NPAS3: variants seen among roughly 807,000 people sequenced by gnomAD.
NPAS3 encodes the protein neuronal PAS domain-containing protein 3.
NPAS3 carries 14 observed loss-of-function variants against 73.1 expected under a neutral mutation model. The ratio of observed to expected loss-of-function variants is 0.19; its 90% confidence interval spans 0.13 to 0.30. The LOEUF is 0.30. NPAS3 is among the 10% of genes least tolerant of loss of function. NPAS3 has a pLI of 1.00. For synonymous variants in NPAS3, 620 were observed against 541.5 expected (o/e 1.14, Z -2.01); for missense variants, 1,096 against 1,250.0 (o/e 0.88, Z 1.86).
Position 33,067,801 on chromosome 14 carries a change from A to T in NPAS3, c.140+11807A>T, listed in dbSNP as rs184837705. 5.9e-5 allele frequency among the ~76,000 whole-genome samples: 9 copies of T among 152,306 alleles called. No individual in the cohort carries two copies. In the East Asian group the frequency reaches 1.3e-3, roughly 23 times the overall value. ...CAGTGCCACCATTACTCCAAAATAG[A>T]ACTTGGGGTCTTCCCCAGAAAGATC... On this transcript the variant is annotated intron_variant, in intron 2 of 11. Transcript: ENST00000356141.
chr14:33,523,063 C>T (rs1391876104), intron 4 of NPAS3, among the ~76,000 whole-genome samples: 1 of 152,118 alleles, frequency 6.6e-6, no homozygotes, highest in African/African-American at 2.4e-5. Flanking sequence ...CTTCTCAGCA[C>T]TCTAAGATAG....
intron 2 of NPAS3, among the ~76,000 whole-genome samples, chr14:33,181,436 A>G (rs1005729981): frequency 7.9e-5 from 12 of 152,192 alleles, no homozygotes; most frequent in Non-Finnish European, 1.5e-5. Flanking sequence ...GACTGTCTCA[A>G]TTTTGCATAG....
At chr14:33,640,423 CTT>C (rs1309278937) in intron 5 of NPAS3, among the ~76,000 whole-genome samples, 1 of 152,054 alleles carries the variant, frequency 6.6e-6, no homozygotes, top group Non-Finnish European at 1.5e-5. Context: ...TTCTGAGACT[CTT>C]TTATTCATCT....
At chr14:32,993,677 A>G (rs933938866) in intron 1 of NPAS3, among the ~76,000 whole-genome samples, 1 of 152,230 alleles carries the variant, frequency 6.6e-6, no homozygotes, top group African/African-American at 2.4e-5. Flanking sequence ...GCTGGGCTTT[A>G]CTGACAGATT....
chr14:33,155,240 A>T (rs1290790899), intron 2 of NPAS3, among the ~76,000 whole-genome samples: 1 of 152,182 alleles, frequency 6.6e-6, no homozygotes, highest in Admixed American at 6.5e-5. Context: ...GCTTTGCTCA[A>T]GCTTTTGTGT....
intron 4 of NPAS3, among the ~76,000 whole-genome samples, chr14:33,448,334 G>A (rs1276622876): frequency 6.6e-6 from 1 of 152,258 alleles, no homozygotes; most frequent in South Asian, 2.1e-4. Flanking sequence ...CATAATTTAA[G>A]GGGATAACAG....
chr14:33,367,883 G>A (rs780375502), intron 4 of NPAS3, among the ~76,000 whole-genome samples: 2 of 152,116 alleles, frequency 1.3e-5, no homozygotes, highest in African/African-American at 2.4e-5. Flanking sequence ...TACCTAGCCC[G>A]AGAGAAAATT....
chr14:33,102,057 C>A (rs1360198460), intron 2 of NPAS3, among the ~76,000 whole-genome samples: 1 of 152,118 alleles, frequency 6.6e-6, no homozygotes, highest in African/African-American at 2.4e-5. Context: ...GACCTCTGTT[C>A]CCACTACCAT....
chr14:33,101,875 C>G (rs1434992700), intron 2 of NPAS3, among the ~76,000 whole-genome samples: 1 of 152,080 alleles, frequency 6.6e-6, no homozygotes, highest in Non-Finnish European at 1.5e-5. Context: ...GTTTTTTCTT[C>G]CCTATCTTCT....
chr14:33,043,450 A>G (rs1433550369), intron 1 of NPAS3, among the ~76,000 whole-genome samples: 1 of 152,232 alleles, frequency 6.6e-6, no homozygotes, highest in South Asian at 2.1e-4. Flanking sequence ...CCAAAATCTG[A>G]TATCAGGCAA....
At chr14:33,078,924 A>G (rs2041765906) in intron 2 of NPAS3, among the ~76,000 whole-genome samples, 1 of 152,242 alleles carries the variant, frequency 6.6e-6, no homozygotes, top group Non-Finnish European at 1.5e-5. Context: ...TAGATTTAAT[A>G]TCAGAAAATA....
intron 4 of NPAS3, among the ~76,000 whole-genome samples, chr14:33,531,560 A>G (rs2054045578): frequency 6.6e-6 from 1 of 152,072 alleles, no homozygotes. Flanking sequence ...GCTGTACCAC[A>G]GTTTTTCTGT....
chr14:33,678,606 G>A (rs1023243797), intron 6 of NPAS3, among the ~76,000 whole-genome samples: 2 of 152,150 alleles, frequency 1.3e-5, no homozygotes, highest in African/African-American at 2.4e-5. Flanking sequence ...CAAAGCAGAG[G>A]AACTGTCACC....
chr14:33,080,345 A>G (rs1042060835), intron 2 of NPAS3, among the ~76,000 whole-genome samples: 6 of 151,970 alleles, frequency 3.9e-5, no homozygotes, highest in Admixed American at 3.9e-4. Context: ...TGACCTCGTG[A>G]TCCGCCTACC....
At chr14:33,560,456 A>T (rs1258048615) in intron 5 of NPAS3, 1 of 347,728 alleles carries the variant, frequency 2.9e-6, no homozygotes, top group Non-Finnish European at 5.2e-6. Flanking sequence ...TAATTTATCG[A>T]GAACAAATGA....
intron 3 of NPAS3, among the ~76,000 whole-genome samples, chr14:33,258,215 G>T (rs574373376): frequency 6.6e-6 from 1 of 152,068 alleles, no homozygotes; most frequent in African/African-American, 2.4e-5. Context: ...TGGGCAACAC[G>T]TTAAACCTCC....
At chr14:33,154,416 A>C (rs1566617018) in intron 2 of NPAS3, among the ~76,000 whole-genome samples, 1 of 152,210 alleles carries the variant, frequency 6.6e-6, no homozygotes, top group Non-Finnish European at 1.5e-5. Flanking sequence ...AGAATGTTTA[A>C]TGGTCGGAAG....
At chr14:33,058,730 T>C (rs1486123468) in intron 2 of NPAS3, among the ~76,000 whole-genome samples, 1 of 152,254 alleles carries the variant, frequency 6.6e-6, no homozygotes, top group Non-Finnish European at 1.5e-5. Flanking sequence ...TATTTGTGTA[T>C]GTGTACATAT....
At chr14:33,080,794 A>G (rs564745701) in intron 2 of NPAS3, among the ~76,000 whole-genome samples, 1 of 152,340 alleles carries the variant, frequency 6.6e-6, no homozygotes, top group East Asian at 1.9e-4. Context: ...AGAAGAGACC[A>G]CAAGTAGGGA....
Sources: gnomAD v4.1 joint callset for allele counts (sites outside exome capture counted in the v4.1 genomes callset) on GRCh38, gnomAD v4.1.1 for gene constraint, MANE v1.5 for transcripts, NCBI Gene and HGNC (gene_info 2026-07-23, HGNC 2026-07-21) for gene names.